RASGRP1: variants seen among roughly 807,000 people sequenced by gnomAD.
The protein encoded by RASGRP1 is RAS guanyl-releasing protein 1.
Under a neutral mutation model 95.1 loss-of-function variants are expected in RASGRP1, and 37 were observed. The observed-to-expected ratio is 0.39, with a 90% CI of 0.30 to 0.51. RASGRP1 has a LOEUF of 0.51. RASGRP1 is among the 20% of genes least tolerant of loss of function. The pLI, the probability that RASGRP1 is intolerant of heterozygous loss-of-function variation, is 0.80. For missense variants in RASGRP1, 711 were observed against 965.4 expected, an observed-to-expected ratio of 0.74 and a Z score of 3.49; for synonymous variants, 325 against 353.4, an observed-to-expected ratio of 0.92 and a Z score of 0.90.
chr15:38,562,708 A>G (rs902562364), intron 1 of RASGRP1, among the ~76,000 whole-genome samples: 6 of 152,192 alleles, frequency 3.9e-5, no homozygotes, highest in East Asian at 3.9e-4. Context: ...CTACTGACAG[A>G]GCTCTTCCTG....
intron 11 of RASGRP1, 78 bp from the exon 12 acceptor site, chr15:38,502,499 G>T: frequency 1.1e-6 from 1 of 871,380 alleles, no homozygotes. Context: ...ACAAAGAGCT[G>T]GGGCAGTTGG....
intron 2 of RASGRP1, 144 bp downstream of exon 2, chr15:38,559,677 G>T: frequency 1.2e-6 from 1 of 836,220 alleles, no homozygotes. Context: ...CATAGGCTCT[G>T]CAGACTGTCT....
In RASGRP1 at chr15:38,511,363, A is replaced by G. The variant is rs973057201; in HGVS notation, c.966+241T>C. Among the ~76,000 whole-genome samples, 3 of 152,166 alleles carry G rather than the reference A, an allele frequency of 2.0e-5. 1 individual carries two copies. The highest frequency in any genetic ancestry group is 2.0e-4 in the Admixed American group (3 of 15,280). ...ATGGGAAGAGGCACACATTGTTTCA[A>G]CTGGTCCAGCAGGAATGTTTGCAGT... On this transcript the variant is annotated intron_variant, in intron 8 of 16. Transcript: ENST00000310803.
chr15:38,562,554 C>T (rs1893853671), intron 1 of RASGRP1, among the ~76,000 whole-genome samples: 1 of 152,228 alleles, frequency 6.6e-6, no homozygotes, highest in Admixed American at 6.5e-5. Flanking sequence ...CCTTTGTCAC[C>T]ATTAAGACCT....
intron 2 of RASGRP1, among the ~76,000 whole-genome samples, chr15:38,536,095 T>C (rs1388055146): frequency 6.6e-6 from 1 of 152,226 alleles, no homozygotes; most frequent in Admixed American, 6.5e-5. Context: ...TGAATATACC[T>C]GGTGGCTACT....
intron 11 of RASGRP1, 48 bp from the exon 12 acceptor site, chr15:38,502,469 T>A (rs1399733857): frequency 8.5e-7 from 1 of 1,179,352 alleles, no homozygotes; most frequent in Non-Finnish European, 1.2e-6. Context: ...AAACCGGTCT[T>A]CTCTCCCTTT....
chr15:38,507,416 A>C (rs1361471631), intron 9 of RASGRP1, among the ~76,000 whole-genome samples: 1 of 152,182 alleles, frequency 6.6e-6, no homozygotes, highest in African/African-American at 2.4e-5. Context: ...CTGATTTGCC[A>C]TCAGCTCCTC....
intron 10 of RASGRP1, among the ~76,000 whole-genome samples, 180 bp downstream of exon 10, chr15:38,505,660 A>G (rs1028473423): frequency 2.0e-5 from 3 of 152,218 alleles, no homozygotes; most frequent in African/African-American, 7.2e-5. Flanking sequence ...TTTAATGGAC[A>G]GGAACTATTC....
In RASGRP1 at chr15:38,498,822, G is replaced by A. The variant is rs201768883; in HGVS notation, c.1845C>T (p.Cys615=). 13 of 1,613,624 alleles carry A rather than the reference G, an allele frequency of 8.1e-6. No homozygotes were observed. The Admixed American group carries it at 1.5e-4, about 19-fold the overall frequency. Residue 615 remains cysteine, a synonymous_variant, in exon 15 of 17, where the codon TGC becomes TGT. Transcript: ENST00000310803. The part of the protein sequence containing the change: ...NTSVGPVSNL[C]SLGAKDLLHA... The stretch of plus-strand genomic sequence containing the variant: ...GGAGCAGATCTTTGGCTCCCAATGA[G>A]CAAAGGTTGGACACTGGCCCCACAG...
chr15:38,550,198 C>A (rs1426982830), intron 2 of RASGRP1, among the ~76,000 whole-genome samples: 1 of 146,572 alleles, frequency 6.8e-6, no homozygotes, highest in Non-Finnish European at 1.5e-5. Flanking sequence ...TGCAGTGAGC[C>A]CAGATCATGC....
chr15:38,499,590 C>T lies in RASGRP1; in HGVS notation c.1720+513G>A, dbSNP rs557489978. Among the ~76,000 whole-genome samples, 37 of 152,232 alleles carry T rather than the reference C, an allele frequency of 2.4e-4. No homozygotes were observed. The South Asian group carries it at 6.0e-3, about 25-fold the overall frequency. On this transcript the variant is annotated intron_variant, in intron 14 of 16. Transcript: ENST00000310803. Reference sequence around the variant, plus strand: ...GTGGCGGTCATTCACCGGGGGTGTCCGAGGGAAACCACTTTGGGGATGAGA... The same window carrying T: ...GTGGCGGTCATTCACCGGGGGTGTCTGAGGGAAACCACTTTGGGGATGAGA...
rs1043649939 is a variant in RASGRP1, at chr15:38,560,066, T to C, written c.36-61A>G. On this transcript the variant is annotated intron_variant, in intron 1 of 16. Transcript: ENST00000310803. The stretch of plus-strand genomic sequence containing the variant: ...GGCAGCTCCACGCTCTGAAGGCAGA[T>C]TGGAGAGGAAGGGAATGGAGATAAG... The C allele has an allele frequency of 3.5e-6, 5 of 1,408,848 alleles. No homozygotes were observed. The East Asian group carries it at 9.5e-5, about 27-fold the overall frequency. 87.3% of individuals were successfully genotyped at this position (1,408,848 alleles called of 1,614,324 possible). A position where few individuals can be genotyped will look rare whatever the true frequency, so the allele number is the denominator to read the frequency against.
At chr15:38,541,381 A>T (rs1190207625) in intron 2 of RASGRP1, among the ~76,000 whole-genome samples, 14 of 152,170 alleles carry the variant, frequency 9.2e-5, no homozygotes. Flanking sequence ...ACCTGAGCTC[A>T]GGAGTTTGAG....
At chr15:38,502,527 A>C in intron 11 of RASGRP1, 106 bp from the exon 12 acceptor site, 1 of 681,296 alleles carries the variant, frequency 1.5e-6, no homozygotes, top group Non-Finnish European at 2.5e-6. Flanking sequence ...CCTTTTAACA[A>C]CCTGAACGAG....
intron 10 of RASGRP1, 23 bp from the exon 11 acceptor site, chr15:38,503,399 A>C: frequency 6.6e-7 from 1 of 1,506,838 alleles, no homozygotes. Context: ...ATTTAGAGAA[A>C]TCCTCATGAC....
At chr15:38,550,637 C>A (rs994821809) in intron 2 of RASGRP1, among the ~76,000 whole-genome samples, 16 of 152,068 alleles carry the variant, frequency 1.1e-4, no homozygotes, top group Non-Finnish European at 1.5e-4. Context: ...TGCTAGCATA[C>A]CTCTTTATAA....
At chr15:38,541,597 C>A (rs1245331899) in intron 2 of RASGRP1, among the ~76,000 whole-genome samples, 2 of 152,038 alleles carry the variant, frequency 1.3e-5, no homozygotes, top group Non-Finnish European at 2.9e-5. Flanking sequence ...GTCATTTATT[C>A]ATTCATATAT....
At chr15:38,513,063 A>AGTTCC in intron 6 of RASGRP1, 107 bp from the exon 7 acceptor site, 1 of 1,166,472 alleles carries the variant, frequency 8.6e-7, no homozygotes, top group Non-Finnish European at 1.1e-6. Context: ...ATGGCTGGGA[A>AGTTCC]CTGCCATGGA....
intron 3 of RASGRP1, among the ~76,000 whole-genome samples, chr15:38,521,617 A>C (rs1014338355): frequency 7.9e-5 from 12 of 152,136 alleles, no homozygotes; most frequent in Non-Finnish European, 1.8e-4. Flanking sequence ...ATGCAGGCTA[A>C]ATAGTAAGAG....
Sources: allele counts gnomAD v4.1 joint callset (sites outside exome capture counted in the v4.1 genomes callset), GRCh38; gene constraint gnomAD v4.1.1; transcripts MANE v1.5; gene names NCBI Gene and HGNC (gene_info 2026-07-23, HGNC 2026-07-21).